Variants in CSMD1 observed in about 807,000 individuals in gnomAD.
CSMD1 encodes CUB and Sushi multiple domains 1.
CSMD1 carries 213 observed loss-of-function variants against 417.5 expected under a neutral mutation model. The ratio of observed to expected loss-of-function variants is 0.51; its 90% CI spans 0.46 to 0.57. The LOEUF (loss-of-function observed/expected upper bound fraction) is 0.57, where lower values mean the gene tolerates loss of function less well. Ranked by LOEUF, CSMD1 falls within the 20% of genes least tolerant of loss-of-function variation. CSMD1 has a pLI of 0.00. For missense variants in CSMD1, 6,923 were observed against 4,529.7 expected, an observed-to-expected ratio of 1.53 and a Z score of -15.17; for synonymous variants, 2,862 against 1,736.8, an observed-to-expected ratio of 1.65 and a Z score of -16.11.
rs1229279502 is a variant in CSMD1, at chr8:3,898,195, C to T, written c.818+99708G>A. On this transcript the variant is annotated intron_variant, in intron 5 of 69. Coordinates refer to ENST00000635120, the MANE Select transcript of CSMD1 (RefSeq NM_033225.6). ...TCCCTGCAAGCCATCCAGCAACAAG[C>T]TTATGAGTATGGAAAATTCCCCTAC... Among the ~76,000 whole-genome samples, 5 of 152,216 alleles carry T rather than the reference C, an allele frequency of 3.3e-5. No homozygotes were observed. In the East Asian group the frequency reaches 9.7e-4, roughly 29 times the overall value.
intron 39 of CSMD1, 145 bp from the exon 40 acceptor site, chr8:3,151,658 T>C (rs1228038932): frequency 3.4e-6 from 2 of 586,512 alleles, no homozygotes; most frequent in Non-Finnish European, 6.1e-6. Flanking sequence ...GATACAATGC[T>C]GTGTGCCTTA....
At chr8:3,488,702 C>T (rs986687160) in intron 11 of CSMD1, among the ~76,000 whole-genome samples, 1 of 152,094 alleles carries the variant, frequency 6.6e-6, no homozygotes, top group South Asian at 2.1e-4. Flanking sequence ...AAGAACGCTT[C>T]CAGATAAGAG....
intron 2 of CSMD1, among the ~76,000 whole-genome samples, chr8:4,616,303 T>C (rs1016443324): frequency 1.3e-5 from 2 of 152,182 alleles, no homozygotes; most frequent in Non-Finnish European, 2.9e-5. Flanking sequence ...ATGAATGTTT[T>C]CTTCAGGAAA....
chr8:4,025,845 T>C (rs1195538743), intron 4 of CSMD1, among the ~76,000 whole-genome samples: 2 of 152,196 alleles, frequency 1.3e-5, no homozygotes, highest in Admixed American at 6.6e-5. Context: ...TAATTAAATA[T>C]ACAGTTATAC....
chr8:3,789,953 G>A (rs562851009), intron 5 of CSMD1, among the ~76,000 whole-genome samples: 2 of 151,966 alleles, frequency 1.3e-5, no homozygotes, highest in African/African-American at 4.8e-5. Context: ...GGATGGTCTC[G>A]ATCTCCTGAC....
rs184423731 is a variant in CSMD1 at position 3,059,784 on chromosome 8, A to G, written c.7475-7137T>C. ...TGGACCCACTGAGTAGCTGGGACCA[A>G]CAGGGTGTGGGAGTCACAGGAAAGA... is the stretch of plus-strand genomic sequence containing the variant. On this transcript the variant is annotated intron_variant, in intron 49 of 69. Transcript: ENST00000635120. 4.6e-5 allele frequency among the ~76,000 whole-genome samples: 7 copies of G among 152,206 alleles called. No homozygotes were observed. In the East Asian group the frequency reaches 1.4e-3, roughly 30 times the overall value.
intron 1 of CSMD1, among the ~76,000 whole-genome samples, chr8:4,706,832 C>T (rs554077209): frequency 6.6e-5 from 10 of 152,206 alleles, no homozygotes; most frequent in Admixed American, 5.9e-4. Context: ...ACAGTTGACC[C>T]GATTGAGAGA....
chr8:2,966,538 G>T, intron 58 of CSMD1, 32 bp downstream of exon 58: 5 of 1,587,092 alleles, frequency 3.2e-6, no homozygotes, highest in Admixed American at 1.7e-5. Context: ...TCATAGTAAC[G>T]TCTGAGTCTA....
intron 6 of CSMD1, among the ~76,000 whole-genome samples, chr8:3,732,104 G>C (rs962722753): frequency 6.6e-6 from 1 of 152,312 alleles, no homozygotes; most frequent in East Asian, 1.9e-4. Flanking sequence ...ACCAGGGAAA[G>C]GAGGGCCTTG....
chr8:4,346,180 T>C lies in CSMD1; in HGVS notation c.415+73773A>G, dbSNP rs1397609290. ...GTCAACTATGGTTAACAATCAAATA[T>C]GGCCTGCTAATTTATCTGGACAGCT... On this transcript the variant is annotated intron_variant, in intron 3 of 69. Coordinates refer to ENST00000635120, the MANE Select transcript of CSMD1 (RefSeq NM_033225.6). Among the ~76,000 whole-genome samples, 9 of 152,298 alleles carry C rather than the reference T, an allele frequency of 5.9e-5. No individual in the cohort carries two copies. The South Asian group carries it at 1.2e-3, about 21-fold the overall frequency.
At chr8:4,094,653 A>G (rs920094818) in intron 3 of CSMD1, among the ~76,000 whole-genome samples, 3 of 152,092 alleles carry the variant, frequency 2.0e-5, no homozygotes, top group Non-Finnish European at 4.4e-5. Flanking sequence ...ATGTGGAAGT[A>G]GCGACCGCAC....
chr8:2,961,206 G>T lies in CSMD1; in HGVS notation c.9637C>A (p.His3213Asn). ...GIQPTCIDPA[H>N]NTCPDPGTPH... ...GTACCAGGGTCTGGGCAGGTGTTAT[G>T]AGCAGGATCTGAAATTTGTGATTTA... Residue 3213 changes from histidine (H) to asparagine (N), a missense_variant, in exon 62 of 70, where the codon CAT (histidine) becomes AAT (asparagine). His to Asn is a moderately conservative substitution (Grantham distance 68). Coordinates refer to ENST00000635120, the MANE Select transcript of CSMD1 (RefSeq NM_033225.6). 6.3e-7 allele frequency: 1 copy of T among 1,592,320 alleles called. No individual in the cohort carries two copies. The highest frequency in any genetic ancestry group is 1.1e-5 in the South Asian group (1 of 88,390).
intron 1 of CSMD1, among the ~76,000 whole-genome samples, chr8:4,964,709 G>A (rs1159165289): frequency 2.0e-5 from 3 of 151,886 alleles, no homozygotes; most frequent in Admixed American, 1.3e-4. Context: ...CTCAGTTATG[G>A]TCACTAAGCC....
intron 4 of CSMD1, among the ~76,000 whole-genome samples, chr8:4,017,751 G>A (rs1585139828): frequency 6.6e-6 from 1 of 152,088 alleles, no homozygotes; most frequent in South Asian, 2.1e-4. Flanking sequence ...TACAAATGCT[G>A]AAACTTCCTA....
chr8:4,270,087 C>G (rs1000653011), intron 3 of CSMD1, among the ~76,000 whole-genome samples: 1 of 152,208 alleles, frequency 6.6e-6, no homozygotes, highest in East Asian at 1.9e-4. Flanking sequence ...GAAACATGAT[C>G]AGATCAATAT....
chr8:4,724,520 A>ATGTGTGTGTGTGTG (rs66498850), intron 1 of CSMD1, among the ~76,000 whole-genome samples: 5 of 145,218 alleles, frequency 3.4e-5, no homozygotes, highest in Non-Finnish European at 6.0e-5. Flanking sequence ...TTATATATAT[A>ATGTGTGTGTGTGTG]TGTGTGTGTG....
chr8:3,375,709 GC>G (rs1188389563), intron 18 of CSMD1, among the ~76,000 whole-genome samples: 19 of 152,190 alleles, frequency 1.2e-4, no homozygotes, highest in African/African-American at 4.6e-4. Context: ...CTGATGACCA[GC>G]CCCCATCTCA....
chr8:3,162,688 T>C (rs943170515), intron 37 of CSMD1, among the ~76,000 whole-genome samples: 4 of 151,722 alleles, frequency 2.6e-5, no homozygotes, highest in South Asian at 2.1e-4. Context: ...AAAAAAATTA[T>C]GTGTGAATCT....
At chr8:4,336,531 G>T (rs996348742) in intron 3 of CSMD1, among the ~76,000 whole-genome samples, 1 of 152,152 alleles carries the variant, frequency 6.6e-6, no homozygotes, top group Non-Finnish European at 1.5e-5. Context: ...CGTGTTCGAT[G>T]AATGTCATGC....
Sources: allele counts gnomAD v4.1 joint callset (sites outside exome capture counted in the v4.1 genomes callset), GRCh38; gene constraint gnomAD v4.1.1; transcripts MANE v1.5; gene names NCBI Gene and HGNC (gene_info 2026-07-23, HGNC 2026-07-21).